RPAP3: variants seen among roughly 807,000 people sequenced by gnomAD.
RPAP3 encodes RNA polymerase II-associated protein 3.
In RPAP3, 58 loss-of-function variants were observed where a neutral mutation model predicts 88.8. The ratio of observed to expected loss-of-function variants is 0.65; its 90% CI spans 0.53 to 0.81. The LOEUF (loss-of-function observed/expected upper bound fraction) is 0.81, where lower values mean the gene tolerates loss of function less well. Ranked by LOEUF, RPAP3 falls within the 40% of genes least tolerant of loss-of-function variation. The pLI, the probability that RPAP3 is intolerant of heterozygous loss-of-function variation, is 0.00. For synonymous variants in RPAP3, 255 were observed against 259.9 expected (o/e 0.98, Z 0.18); for missense variants, 751 against 764.3 (o/e 0.98, Z 0.20).
intron 9 of RPAP3, 94 bp from the exon 10 acceptor site, chr12:47,681,911 A>G: frequency 2.5e-6 from 3 of 1,177,664 alleles, no homozygotes; most frequent in Non-Finnish European, 3.5e-6. Context: ...GCTTGTATAT[A>G]ATTTCAATCA....
At position 47,686,784 on chromosome 12, in the gene RPAP3, G is replaced by C; in HGVS notation, c.988C>G (p.Gln330Glu). The C allele has an allele frequency of 6.4e-7, 1 of 1,570,960 alleles. No homozygotes were observed. The highest frequency in any genetic ancestry group is 8.6e-7 in the Non-Finnish European group (1 of 1,161,852). ...TAAAATGTAACCAATACTTACTTCT[G>C]AATCTTCAGATAGGCCATAGCTCTG... ...ANRAMAYLKI[Q>E]KYEEAEKDCT... Residue 330 changes from glutamine to glutamate, a missense_variant, in exon 9 of 17, where the codon CAG becomes GAG. Transcript: ENST00000005386.
At chr12:47,671,667 T>C (rs567650802) in intron 12 of RPAP3, among the ~76,000 whole-genome samples, 85 of 152,326 alleles carry the variant, frequency 5.6e-4, no homozygotes, top group Middle Eastern at 3.4e-3. Context: ...TCAGCAAAAG[T>C]TTTTATGAAG....
At chr12:47,686,705 T>C (rs1592479233) in intron 9 of RPAP3, 75 bp downstream of exon 9, 1 of 1,164,170 alleles carries the variant, frequency 8.6e-7, no homozygotes. Context: ...GCATGTTAGG[T>C]AACTTATGGT....
At position 47,670,265 on chromosome 12, in the gene RPAP3, A is replaced by G. The variant is rs752314770; in HGVS notation, c.1368T>C (p.Ala456=). Residue 456 remains alanine, a synonymous_variant, in exon 13 of 17, where the codon GCT becomes GCC. Coordinates refer to ENST00000005386, the MANE Select transcript of RPAP3 (RefSeq NM_024604.3). The stretch of plus-strand genomic sequence containing the variant: ...GATTAATAGGATTATTCTCTGGAGC[A>G]GCAGCAGTAGTGCTATCTGGCACAT... ...TIDVPDSTTA[A]APENNPINLA... 1 of 1,613,666 alleles carries G rather than the reference A, an allele frequency of 6.2e-7. No homozygotes were observed. The highest frequency in any genetic ancestry group is 8.5e-7 in the Non-Finnish European group (1 of 1,179,698).
chr12:47,675,100 C>G (rs1188782906), intron 12 of RPAP3, among the ~76,000 whole-genome samples: 4 of 152,160 alleles, frequency 2.6e-5, no homozygotes, highest in Admixed American at 6.5e-5. Context: ...GTTCAACATT[C>G]TTAATGAAAA....
intron 9 of RPAP3, among the ~76,000 whole-genome samples, chr12:47,685,164 A>G (rs926884765): frequency 2.6e-5 from 4 of 152,182 alleles, no homozygotes; most frequent in Non-Finnish European, 5.9e-5. Flanking sequence ...AGATCACCTG[A>G]GGTCAGGAGT....
rs1293597276 is a variant in RPAP3, at chr12:47,690,657, T to C, written c.546-18A>G. 1.4e-6 allele frequency: 2 copies of C among 1,420,678 alleles called. No individual in the cohort carries two copies. Among genetic ancestry groups the C allele is most frequent in the South Asian group, 3.2e-5 (2 of 62,650 alleles). 88.0% of individuals were successfully genotyped at this position (1,420,678 alleles called of 1,614,324 possible). A position where few individuals can be genotyped will look rare whatever the true frequency, so the allele number is the denominator to read the frequency against. On this transcript the variant is annotated intron_variant, in intron 5 of 16. Transcript: ENST00000005386. Reference sequence around the variant, plus strand: ...CAGCAAATCTGCAATTTAAAAACATTAAAATAAATAAAGTTAATAAAACTA... The same window carrying C: ...CAGCAAATCTGCAATTTAAAAACATCAAAATAAATAAAGTTAATAAAACTA...
At chr12:47,684,423 G>A (rs973424471) in intron 9 of RPAP3, among the ~76,000 whole-genome samples, 5 of 152,092 alleles carry the variant, frequency 3.3e-5, no homozygotes, top group Non-Finnish European at 7.4e-5. Context: ...GCTATAGGAT[G>A]GTTACCTAAA....
At position 47,663,398 on chromosome 12, in the gene RPAP3, T is replaced by C. The variant is rs190754769; in HGVS notation, c.*107A>G. The C allele has an allele frequency of 2.2e-5, 15 of 674,886 alleles. No individual in the cohort carries two copies. The highest frequency in any genetic ancestry group is 3.8e-5 in the Non-Finnish European group (15 of 390,366). 41.8% of individuals were successfully genotyped at this position (674,886 alleles called of 1,614,324 possible). On this transcript the variant is annotated 3_prime_UTR_variant, in exon 17 of 17. Coordinates refer to ENST00000005386, the MANE Select transcript of RPAP3 (RefSeq NM_024604.3). ...TAGTTAATTAACTTATGTTCAAAGA[T>C]AGTCCTTTCCTGCTATATAATTTCA...
At chr12:47,670,375 C>G (rs1938971686) in intron 12 of RPAP3, 30 bp from the exon 13 acceptor site, 2 of 1,306,066 alleles carry the variant, frequency 1.5e-6, no homozygotes. Flanking sequence ...TTCCTTAAAT[C>G]AAAATATTAA....
chr12:47,685,378 CAAA>C (rs11416118), intron 9 of RPAP3, among the ~76,000 whole-genome samples: 3 of 130,420 alleles, frequency 2.3e-5, no homozygotes, highest in Admixed American at 7.3e-5. Flanking sequence ...GACTCTGTCT[CAAA>C]AAAAAAAAAA....
At chr12:47,665,804 C>T (rs1022079705) in intron 16 of RPAP3, among the ~76,000 whole-genome samples, 6 of 151,594 alleles carry the variant, frequency 4.0e-5, no homozygotes, top group Non-Finnish European at 7.4e-5. Flanking sequence ...CTGCAACCAA[C>T]TCATTTTTGT....
At chr12:47,672,119 T>C (rs1019703383) in intron 12 of RPAP3, among the ~76,000 whole-genome samples, 3 of 152,060 alleles carry the variant, frequency 2.0e-5, no homozygotes, top group Admixed American at 2.0e-4. Flanking sequence ...AAATAAGATA[T>C]TTTAGCAGAG....
intron 1 of RPAP3, among the ~76,000 whole-genome samples, chr12:47,703,246 C>T (rs1939693140): frequency 6.6e-6 from 1 of 152,112 alleles, no homozygotes; most frequent in African/African-American, 2.4e-5. Flanking sequence ...GATGCAAAAA[C>T]AAGACAAGGT....
intron 3 of RPAP3, among the ~76,000 whole-genome samples, chr12:47,698,174 TA>T (rs1939574838): frequency 6.6e-6 from 1 of 152,242 alleles, no homozygotes; most frequent in Admixed American, 6.5e-5. Flanking sequence ...CATTAACTCC[TA>T]ATCTTCACAA....
At chr12:47,670,452 T>C in intron 12 of RPAP3, 107 bp from the exon 13 acceptor site, 1 of 648,886 alleles carries the variant, frequency 1.5e-6, no homozygotes, top group Non-Finnish European at 2.6e-6. Flanking sequence ...TCCCAGTGAT[T>C]AGTAAATTCA....
chr12:47,675,206 G>C (rs1429729215), intron 12 of RPAP3, among the ~76,000 whole-genome samples: 3 of 152,104 alleles, frequency 2.0e-5, no homozygotes, highest in African/African-American at 7.2e-5. Context: ...CTGACAGATT[G>C]TGTCACCACC....
rs1447947176 is a variant in RPAP3, at chr12:47,679,478, A to G, written c.1287+15T>C. On this transcript the variant is annotated intron_variant, in intron 12 of 16. Coordinates refer to ENST00000005386, the MANE Select transcript of RPAP3 (RefSeq NM_024604.3). ...TATTTAAATGGCAAGGAAAAAATGA[A>G]AGTGCTTTACTTACAGTTGATCCAG... 4 of 1,511,754 alleles carry G rather than the reference A, an allele frequency of 2.6e-6. No individual in the cohort carries two copies. The South Asian group carries it at 4.8e-5, about 18-fold the overall frequency. The allele number at this position is 1,511,754 out of a possible 1,614,324, so 93.6% of individuals were successfully genotyped here. A position where few individuals can be genotyped will look rare whatever the true frequency, so the allele number is the denominator to read the frequency against.
At chr12:47,674,754 A>T (rs1289997394) in intron 12 of RPAP3, among the ~76,000 whole-genome samples, 1 of 152,222 alleles carries the variant, frequency 6.6e-6, no homozygotes, top group African/African-American at 2.4e-5. Flanking sequence ...ATGTGAAAAG[A>T]GCAAATTTAC....
Sources: gnomAD v4.1 joint callset for allele counts (sites outside exome capture counted in the v4.1 genomes callset) on GRCh38, gnomAD v4.1.1 for gene constraint, MANE v1.5 for transcripts, NCBI Gene and HGNC (gene_info 2026-07-23, HGNC 2026-07-21) for gene names.